Variants in PLEKHA7 observed in about 807,000 individuals in gnomAD.
PLEKHA7 encodes the protein pleckstrin homology domain-containing family A member 7.
Under a neutral mutation model 170.0 loss-of-function variants are expected in PLEKHA7, and 104 were observed. The ratio of observed to expected loss-of-function variants is 0.61; its 90% confidence interval spans 0.52 to 0.72. PLEKHA7 has a LOEUF of 0.72. Among genes scored for constraint, PLEKHA7 ranks in the 30% least tolerant of loss-of-function variants. The pLI, the probability that PLEKHA7 is intolerant of heterozygous loss-of-function variation, is 0.00. For missense variants in PLEKHA7, 1,615 were observed against 1,671.7 expected, an observed-to-expected ratio of 0.97 and a Z score of 0.59; for synonymous variants, 648 against 660.8, an observed-to-expected ratio of 0.98 and a Z score of 0.30.
rs545685170 is a variant in PLEKHA7 at position 16,916,639 on chromosome 11, C to T, written c.222-45457G>A. On this transcript the variant is annotated intron_variant, in intron 3 of 26. Transcript: ENST00000531066. Reference sequence around the variant, plus strand: ...GGAAACAGGACTTTTCAACCTATCTCCCCAATTATGCAAGGCCCAAAAGGC... The same window carrying T: ...GGAAACAGGACTTTTCAACCTATCTTCCCAATTATGCAAGGCCCAAAAGGC... Among the ~76,000 whole-genome samples, 3 of 152,316 alleles carry T rather than the reference C, an allele frequency of 2.0e-5. No individual in the cohort carries two copies. In the South Asian group the frequency reaches 6.2e-4, roughly 32 times the overall value.
intron 3 of PLEKHA7, among the ~76,000 whole-genome samples, chr11:16,900,022 A>ATC: frequency 6.6e-6 from 1 of 152,266 alleles, no homozygotes; most frequent in Middle Eastern, 3.4e-3. Flanking sequence ...GCTGCTCCTC[A>ATC]TCTCTCTCCC....
chr11:16,863,246 T>G (rs1301156955), intron 4 of PLEKHA7, among the ~76,000 whole-genome samples: 1 of 152,128 alleles, frequency 6.6e-6, no homozygotes, highest in African/African-American at 2.4e-5. Context: ...ATTCTTACCT[T>G]TGGAAAGACA....
chr11:16,955,937 G>A (rs1861674327), intron 3 of PLEKHA7, among the ~76,000 whole-genome samples: 1 of 152,150 alleles, frequency 6.6e-6, no homozygotes, highest in Admixed American at 6.5e-5. Flanking sequence ...CAGCTACTCA[G>A]GAGAGGATCG....
intron 3 of PLEKHA7, among the ~76,000 whole-genome samples, chr11:16,890,840 C>G (rs1381579692): frequency 6.6e-6 from 1 of 152,008 alleles, no homozygotes; most frequent in African/African-American, 2.4e-5. Flanking sequence ...TTTCCACTAA[C>G]ATGAAAAAAT....
intron 10 of PLEKHA7, among the ~76,000 whole-genome samples, chr11:16,819,828 G>C (rs1176148577): frequency 1.3e-5 from 2 of 152,202 alleles, no homozygotes; most frequent in African/African-American, 4.8e-5. Flanking sequence ...AGAGCTGTTG[G>C]TCAAAGGATG....
Position 16,808,600 on chromosome 11 carries a change from G to A in PLEKHA7, c.2007+4513C>T, listed in dbSNP as rs530683065. Among the ~76,000 whole-genome samples, 12 of 152,262 alleles carry A rather than the reference G, an allele frequency of 7.9e-5. No individual in the cohort carries two copies. In the East Asian group the frequency reaches 1.9e-3, roughly 24 times the overall value. On this transcript the variant is annotated intron_variant, in intron 13 of 26. Transcript: ENST00000531066. ...GAAGAGTCCAGATTCCAGTAACCCC[G>A]AAGCCACTGACGGCACATCCCTCAC...
At chr11:16,966,538 G>A (rs1295294749) in intron 3 of PLEKHA7, among the ~76,000 whole-genome samples, 3 of 152,082 alleles carry the variant, frequency 2.0e-5, no homozygotes, top group Non-Finnish European at 4.4e-5. Context: ...GGAGTCACTA[G>A]CCAGGGTGCA....
intron 3 of PLEKHA7, among the ~76,000 whole-genome samples, chr11:16,895,761 A>G (rs1057465457): frequency 6.6e-6 from 1 of 152,246 alleles, no homozygotes; most frequent in Admixed American, 6.5e-5. Flanking sequence ...GTAACAGCCT[A>G]GTCATTGAGA....
chr11:16,898,229 C>A lies in PLEKHA7; in HGVS notation c.222-27047G>T, dbSNP rs541786213. Among the ~76,000 whole-genome samples the A allele has an allele frequency of 1.8e-4, 28 of 152,288 alleles. 1 individual carries two copies. The South Asian group carries it at 5.4e-3, about 29-fold the overall frequency. On this transcript the variant is annotated intron_variant, in intron 3 of 26. Transcript: ENST00000531066. Reference sequence around the variant, plus strand: ...CTCATAAATTCAGATCTGTCTGGATCTTTTATCAAACATTATGAAACTAGG... The same window carrying A: ...CTCATAAATTCAGATCTGTCTGGATATTTTATCAAACATTATGAAACTAGG...
At position 16,794,653 on chromosome 11, in the gene PLEKHA7, G is replaced by A; in HGVS notation, c.2580C>T (p.Ser860=). 6.2e-7 allele frequency: 1 copy of A among 1,614,030 alleles called. No homozygotes were observed. Among genetic ancestry groups the A allele is most frequent in the East Asian group, 2.2e-5 (1 of 44,844 alleles). The change falls in exon 19 of 27, where the codon AGC becomes AGT. Residue 860 remains serine (S), a synonymous_variant. Coordinates refer to ENST00000531066, the MANE Select transcript of PLEKHA7 (RefSeq NM_001329630.2). ...PPVPSLSTSE[S]KPPPQPSPPT... is the part of the protein sequence containing the mutation. Reference sequence around the variant, plus strand: ...GAGGACTGGGCTGTGGGGGCGGCTTGCTCTCAGAAGTTGAGAGTGAAGGCA... The same window carrying A: ...GAGGACTGGGCTGTGGGGGCGGCTTACTCTCAGAAGTTGAGAGTGAAGGCA...
At chr11:16,825,169 G>C (rs1311826123) in intron 10 of PLEKHA7, among the ~76,000 whole-genome samples, 1 of 152,202 alleles carries the variant, frequency 6.6e-6, no homozygotes, top group Non-Finnish European at 1.5e-5. Flanking sequence ...TTACAGCAAC[G>C]TACATATGCA....
chr11:16,794,462 T>C (rs1848070675), intron 19 of PLEKHA7, 26 bp downstream of exon 19: 1 of 1,588,710 alleles, frequency 6.3e-7, no homozygotes, highest in African/African-American at 1.3e-5. Context: ...AACAATGGCA[T>C]TCAGCTCCTA....
chr11:16,847,647 T>G (rs903432723), intron 8 of PLEKHA7, among the ~76,000 whole-genome samples: 6 of 151,778 alleles, frequency 4.0e-5, no homozygotes, highest in South Asian at 2.1e-4. Context: ...CTGGCCAACA[T>G]GGTGAAACCC....
chr11:16,848,621 G>A (rs779301721), intron 8 of PLEKHA7, among the ~76,000 whole-genome samples: 7 of 152,192 alleles, frequency 4.6e-5, no homozygotes, highest in Non-Finnish European at 8.8e-5. Context: ...ATGGTGATGA[G>A]CATAAATGAT....
In PLEKHA7 at chr11:16,791,140, G is replaced by C. The variant is rs1445320073; in HGVS notation, c.2805C>G (p.Pro935=). 8.7e-6 allele frequency: 14 copies of C among 1,613,794 alleles called. No individual in the cohort carries two copies. The highest frequency in any genetic ancestry group is 1.2e-5 in the Non-Finnish European group (14 of 1,179,914). The change falls in exon 20 of 27, where the codon CCC becomes CCG. Residue 935 remains proline (P), a synonymous_variant. Transcript: ENST00000531066. This position sits in a 1 kb window ranked among gnomAD's most constrained non-coding sequence, Gnocchi z 4.5. ...CTCTTGGCAGAGGCGGCACAGCCGGGGGCTGGTCCTCTGGGCTGTAGAGTT... is the reference window on the plus strand; with the variant it reads ...CTCTTGGCAGAGGCGGCACAGCCGGCGGCTGGTCCTCTGGGCTGTAGAGTT... The part of the protein sequence containing the change: ...LPELYSPEDQ[P]PAVPPLPREA...
At chr11:16,819,662 T>C (rs1850060104) in intron 10 of PLEKHA7, among the ~76,000 whole-genome samples, 1 of 152,196 alleles carries the variant, frequency 6.6e-6, no homozygotes. Flanking sequence ...TGGGGACTTG[T>C]TAGAAATGCA....
Position 16,974,869 on chromosome 11 carries a change from C to A in PLEKHA7, c.221+39120G>T, listed in dbSNP as rs1862958222. On this transcript the variant is annotated intron_variant, in intron 3 of 26. Transcript: ENST00000531066. ...CGGAAAATCGGCTTAGTTTGCCCAC[C>A]ATAGCCACTCTGCTTCCTGTCATAA... is the stretch of plus-strand genomic sequence containing the variant. 2.5e-6 allele frequency: 2 copies of A among 794,274 alleles called. 1 individual carries two copies. The allele number at this position is 794,274 out of a possible 1,614,324, so 49.2% of individuals were successfully genotyped here.
At chr11:16,863,780 G>C (rs1319051232) in intron 4 of PLEKHA7, among the ~76,000 whole-genome samples, 3 of 152,150 alleles carry the variant, frequency 2.0e-5, no homozygotes, top group Non-Finnish European at 4.4e-5. Context: ...ACCCCTTTAG[G>C]AGGGGCCCTG....
At chr11:16,844,906 T>C (rs1852265762) in intron 8 of PLEKHA7, among the ~76,000 whole-genome samples, 3 of 152,244 alleles carry the variant, frequency 2.0e-5, no homozygotes, top group Admixed American at 2.0e-4. Context: ...ATTGAGTATT[T>C]ACTATGTGAA....
Sources: gnomAD v4.1 joint callset for allele counts (sites outside exome capture counted in the v4.1 genomes callset) on GRCh38, gnomAD v4.1.1 for gene constraint, Gnocchi (gnomAD v3.1) non-coding constraint, MANE v1.5 for transcripts, NCBI Gene and HGNC (gene_info 2026-07-23, HGNC 2026-07-21) for gene names.